Variants in CLMN observed in about 807,000 individuals in gnomAD.
CLMN encodes calmin (calponin-like, transmembrane).
Under a neutral mutation model 92.7 loss-of-function variants are expected in CLMN, and 57 were observed. The ratio of observed to expected loss-of-function variants is 0.61; its 90% CI spans 0.50 to 0.77. The LOEUF (loss-of-function observed/expected upper bound fraction) is 0.77, where lower values mean the gene tolerates loss of function less well. Ranked by LOEUF, CLMN falls within the 30% of genes least tolerant of loss-of-function variation. The pLI is 0.00. For synonymous variants in CLMN, 466 were observed against 470.6 expected (o/e 0.99, Z 0.13); for missense variants, 1,158 against 1,237.5 (o/e 0.94, Z 0.96).
chr14:95,280,824 T>C (rs1595090952), intron 1 of CLMN, among the ~76,000 whole-genome samples: 2 of 152,342 alleles, frequency 1.3e-5, no homozygotes, highest in Admixed American at 1.3e-4. Context: ...TATGACTTAG[T>C]GGTATGTTAT....
chr14:95,253,799 AGAAACG>A (rs1444433750), intron 1 of CLMN, among the ~76,000 whole-genome samples: 1 of 151,922 alleles, frequency 6.6e-6, no homozygotes, highest in Non-Finnish European at 1.5e-5. Context: ...TATTTTTAGT[AGAAACG>A]GGGTTTCACC....
chr14:95,315,144 G>T (rs918732935), intron 1 of CLMN, among the ~76,000 whole-genome samples: 2 of 152,188 alleles, frequency 1.3e-5, no homozygotes, highest in Non-Finnish European at 2.9e-5. Context: ...AACTGGAGGG[G>T]TGGGCTGTGG....
At chr14:95,226,782 G>A (rs918667792) in intron 2 of CLMN, among the ~76,000 whole-genome samples, 1 of 152,110 alleles carries the variant, frequency 6.6e-6, no homozygotes, top group African/African-American at 2.4e-5. Flanking sequence ...TCTCTGTGTT[G>A]CCCAGGCTGG....
At chr14:95,307,101 C>T (rs1007473400) in intron 1 of CLMN, among the ~76,000 whole-genome samples, 3 of 152,176 alleles carry the variant, frequency 2.0e-5, no homozygotes, top group African/African-American at 4.8e-5. Flanking sequence ...CATATGACCT[C>T]ACTGAATGTT....
chr14:95,221,543 T>C (rs1897539464), intron 4 of CLMN, 148 bp downstream of exon 4: 1 of 676,084 alleles, frequency 1.5e-6, no homozygotes, highest in Non-Finnish European at 2.5e-6. Context: ...ATCTGAGTGA[T>C]TTCTGTGAAA....
rs1327802785 is a variant in CLMN, at chr14:95,319,821, C to G, written c.-29G>C. The G allele has an allele frequency of 1.1e-5, 15 of 1,311,478 alleles. No homozygotes were observed. The Admixed American group carries it at 2.2e-4, about 19-fold the overall frequency. The allele number at this position is 1,311,478 out of a possible 1,614,324, so 81.2% of individuals were successfully genotyped here. On this transcript the variant is annotated 5_prime_UTR_variant, in exon 1 of 13. Transcript: ENST00000298912. ...GCGCGGGCGGGAGAGCCCGGGCCAG[C>G]GCGGCGCGGGCGGCGGGCGCGGAGA...
rs901672723 is a variant in CLMN at position 95,296,848 on chromosome 14, G to A, written c.82+22863C>T. Reference sequence around the variant, plus strand: ...TTGCTTTACAACAATGTTGTTTCAGGTTTCCTGTAATTCATAGCCAAACCT... The same window carrying A: ...TTGCTTTACAACAATGTTGTTTCAGATTTCCTGTAATTCATAGCCAAACCT... On this transcript the variant is annotated intron_variant, in intron 1 of 12. Transcript: ENST00000298912. Among the ~76,000 whole-genome samples, 56 of 152,286 alleles carry A rather than the reference G, an allele frequency of 3.7e-4. 1 individual carries two copies. The highest frequency in any genetic ancestry group is 1.3e-3 in the African/African-American group (54 of 41,526).
Position 95,203,110 on chromosome 14 carries a change from G to C in CLMN, c.2239C>G (p.Pro747Ala). 1 of 1,613,468 alleles carries C rather than the reference G, an allele frequency of 6.2e-7. No individual in the cohort carries two copies. The highest frequency in any genetic ancestry group is 2.2e-5 in the East Asian group (1 of 44,876). ...ATTTCTTCATTTTTTAGATCCTCCG[G>C]GTCTTCTACATAAGCCTCCAAAACT... ...AAVLEAYVEDPEDLKNEEMDL... is the reference protein window; with the variant it reads ...AAVLEAYVEDAEDLKNEEMDL... Residue 747 changes from proline (P) to alanine (A), a missense_variant, in exon 9 of 13, where the codon CCG (proline) becomes GCG (alanine). Transcript: ENST00000298912.
At chr14:95,240,443 C>G (rs1411973292) in intron 1 of CLMN, among the ~76,000 whole-genome samples, 1 of 152,082 alleles carries the variant, frequency 6.6e-6, no homozygotes, top group African/African-American at 2.4e-5. Context: ...CTCCATGCCT[C>G]GTGACCACTG....
chr14:95,274,083 TC>T (rs111481948), intron 1 of CLMN, among the ~76,000 whole-genome samples: 4 of 152,300 alleles, frequency 2.6e-5, no homozygotes, highest in African/African-American at 9.6e-5. Flanking sequence ...TCAATAGGTT[TC>T]CCATGTTTTA....
chr14:95,256,192 G>A lies in CLMN; in HGVS notation c.83-26059C>T, dbSNP rs895802282. On this transcript the variant is annotated intron_variant, in intron 1 of 12. Transcript: ENST00000298912. The surrounding 1 kb of genome is among the most constrained non-coding windows in gnomAD (Gnocchi z 4.9). ...GGTACAATGCCCCCACACTGTCCTC[G>A]CCACGGGCACACCCAACCGAGGCCC... Among the ~76,000 whole-genome samples the A allele has an allele frequency of 6.6e-6, 1 of 152,118 alleles. No homozygotes were observed. Among genetic ancestry groups the A allele is most frequent in the South Asian group, 2.1e-4 (1 of 4,832 alleles).
chr14:95,274,092 T>G (rs765006158), intron 1 of CLMN, among the ~76,000 whole-genome samples: 3 of 152,158 alleles, frequency 2.0e-5, no homozygotes, highest in Non-Finnish European at 4.4e-5. Flanking sequence ...TTCCCATGTT[T>G]TATTGTGATT....
chr14:95,273,689 G>A (rs1835046031), intron 1 of CLMN, among the ~76,000 whole-genome samples: 3 of 152,182 alleles, frequency 2.0e-5, no homozygotes, highest in Admixed American at 2.0e-4. Flanking sequence ...GCCATTAGGG[G>A]AGGTGAAGAA....
chr14:95,283,290 C>T (rs1162380672), intron 1 of CLMN, among the ~76,000 whole-genome samples: 1 of 152,170 alleles, frequency 6.6e-6, no homozygotes, highest in Non-Finnish European at 1.5e-5. Context: ...CCTTCCGCCA[C>T]GATGCTGAGG....
intron 10 of CLMN, among the ~76,000 whole-genome samples, chr14:95,196,110 A>T (rs943265923): frequency 1.3e-5 from 2 of 152,216 alleles, no homozygotes; most frequent in African/African-American, 4.8e-5. Flanking sequence ...GAAGTCATTA[A>T]GATGCTTATA....
At chr14:95,282,532 G>A (rs543261514) in intron 1 of CLMN, among the ~76,000 whole-genome samples, 2 of 152,320 alleles carry the variant, frequency 1.3e-5, no homozygotes, top group African/African-American at 4.8e-5. Flanking sequence ...GCTGGTTCAG[G>A]CCCAAATGAG....
intron 1 of CLMN, among the ~76,000 whole-genome samples, chr14:95,285,704 G>C (rs1900315005): frequency 6.6e-6 from 1 of 152,210 alleles, no homozygotes; most frequent in Non-Finnish European, 1.5e-5. Context: ...TTACAGGTGA[G>C]ATCACTGGGA....
chr14:95,191,744 A>T lies in CLMN; in HGVS notation c.2841-12T>A. 1 of 1,596,664 alleles carries T rather than the reference A, an allele frequency of 6.3e-7. No homozygotes were observed. Among genetic ancestry groups the T allele is most frequent in the Non-Finnish European group, 8.5e-7 (1 of 1,173,864 alleles). On this transcript the variant is annotated splice_polypyrimidine_tract_variant and intron_variant, in intron 12 of 12. Transcript: ENST00000298912. The surrounding 1 kb of genome is among the most constrained non-coding windows in gnomAD (Gnocchi z 5.3). ...AGCTGTTGGCCTTCCTACAGAAGAA[A>T]CACAGAGGAAACGCAGTTACCAAGC... is the stretch of plus-strand genomic sequence containing the variant.
chr14:95,266,143 C>T lies in CLMN; in HGVS notation c.83-36010G>A, dbSNP rs184700877. On this transcript the variant is annotated intron_variant, in intron 1 of 12. Coordinates refer to ENST00000298912, the MANE Select transcript of CLMN (RefSeq NM_024734.4). ...AAAGTCTTTCCTCTAAGATCTGGAA[C>T]GAGACAAGGATGTCCACTGTCATTA... Among the ~76,000 whole-genome samples, 12 of 152,308 alleles carry T rather than the reference C, an allele frequency of 7.9e-5. No homozygotes were observed. The East Asian group carries it at 1.9e-3, about 24-fold the overall frequency.
Sources: gnomAD v4.1 joint callset for allele counts (sites outside exome capture counted in the v4.1 genomes callset) on GRCh38, gnomAD v4.1.1 for gene constraint, Gnocchi (gnomAD v3.1) non-coding constraint, MANE v1.5 for transcripts, NCBI Gene and HGNC (gene_info 2026-07-23, HGNC 2026-07-21) for gene names.